The following ARPC1A variants were observed in gnomAD, a reference collection of about 807,000 sequenced individuals.
ARPC1A encodes the protein actin related protein 2/3 complex subunit 1A.
Under a neutral mutation model 46.9 loss-of-function variants are expected in ARPC1A, and 8 were observed. The ratio of observed to expected loss-of-function variants is 0.17; its 90% CI spans 0.10 to 0.31. The LOEUF is 0.31. ARPC1A is among the 10% of genes least tolerant of loss of function. ARPC1A has a pLI of 1.00. For missense variants in ARPC1A, 286 were observed against 483.6 expected (o/e 0.59, Z 3.83); for synonymous variants, 152 against 169.0 (o/e 0.90, Z 0.78).
intron 5 of ARPC1A, among the ~76,000 whole-genome samples, chr7:99,349,252 G>A (rs192298308): frequency 2.0e-5 from 3 of 152,026 alleles, no homozygotes; most frequent in South Asian, 2.1e-4. Context: ...TTGTAGAGAC[G>A]GGGTCTTGCT....
intron 3 of ARPC1A, among the ~76,000 whole-genome samples, chr7:99,341,803 G>A: frequency 6.6e-6 from 1 of 151,932 alleles, no homozygotes; most frequent in East Asian, 1.9e-4. Context: ...TGCTCACATG[G>A]CATTTTTTAG....
At chr7:99,345,622 C>T (rs1223797337) in intron 4 of ARPC1A, among the ~76,000 whole-genome samples, 1 of 151,564 alleles carries the variant, frequency 6.6e-6, no homozygotes, top group African/African-American at 2.4e-5. Flanking sequence ...CGTGCCACTG[C>T]ACTCCAGCCT....
At position 99,366,055 on chromosome 7, in the gene ARPC1A, G is replaced by T; in HGVS notation, c.*126G>T. On this transcript the variant is annotated 3_prime_UTR_variant, in exon 10 of 10. Coordinates refer to ENST00000262942, the MANE Select transcript of ARPC1A (RefSeq NM_006409.4). Reference sequence around the variant, plus strand: ...ACACATATCACGCCAATGCCGTGTGGTTTTGTTTGAATATAAAATTGGTGA... The same window carrying T: ...ACACATATCACGCCAATGCCGTGTGTTTTTGTTTGAATATAAAATTGGTGA... 1 of 1,159,338 alleles carries T rather than the reference G, an allele frequency of 8.6e-7. No homozygotes were observed. The allele number at this position is 1,159,338 out of a possible 1,614,324, so 71.8% of individuals were successfully genotyped here.
At chr7:99,333,171 A>C (rs892826636) in intron 1 of ARPC1A, among the ~76,000 whole-genome samples, 154 bp from the exon 2 acceptor site, 1 of 152,224 alleles carries the variant, frequency 6.6e-6, no homozygotes, top group Non-Finnish European at 1.5e-5. Context: ...CTAGTATTAC[A>C]AGCGTGAGCC....
chr7:99,326,407 A>G (rs1477187920), intron 1 of ARPC1A, among the ~76,000 whole-genome samples: 1 of 152,212 alleles, frequency 6.6e-6, no homozygotes, highest in East Asian at 1.9e-4. Flanking sequence ...GTAGGCGCCC[A>G]TAGGATGTTT....
At chr7:99,332,897 C>T (rs1397608746) in intron 1 of ARPC1A, among the ~76,000 whole-genome samples, 1 of 135,402 alleles carries the variant, frequency 7.4e-6, no homozygotes, top group Non-Finnish European at 1.5e-5. Context: ...GACCACCATG[C>T]CCGGCCTTTT....
In ARPC1A at chr7:99,359,698, C is replaced by G; in HGVS notation, c.943C>G (p.Arg315Gly). The G allele has an allele frequency of 6.2e-7, 1 of 1,614,172 alleles. No homozygotes were observed. The highest frequency in any genetic ancestry group is 8.5e-7 in the Non-Finnish European group (1 of 1,180,040). Residue 315 changes from arginine to glycine, a missense_variant, in exon 8 of 10, where the codon CGC (arginine) becomes GGC (glycine). This residue lies in a region of ARPC1A where 182 missense variants were observed against 276.7 expected (regional missense o/e 0.66). Coordinates refer to ENST00000262942, the MANE Select transcript of ARPC1A (RefSeq NM_006409.4). ...GGACAAGAGAGCCACAACTGAGGAC[C>G]GCAACACGGCCTTGGAGACGCTGCA... ...NMDKRATTED[R>G]NTALETLHQN...
At chr7:99,335,928 T>C (rs1793243522) in intron 2 of ARPC1A, among the ~76,000 whole-genome samples, 1 of 151,628 alleles carries the variant, frequency 6.6e-6, no homozygotes, top group Non-Finnish European at 1.5e-5. Flanking sequence ...CACTCCAGCC[T>C]TGGCAACAGA....
intron 5 of ARPC1A, among the ~76,000 whole-genome samples, chr7:99,349,384 A>C (rs1292931823): frequency 6.6e-6 from 1 of 151,796 alleles, no homozygotes; most frequent in African/African-American, 2.4e-5. Flanking sequence ...TTTTCTTTGC[A>C]AGGTACTGCG....
At chr7:99,349,653 A>C (rs1280889589) in intron 5 of ARPC1A, among the ~76,000 whole-genome samples, 1 of 152,074 alleles carries the variant, frequency 6.6e-6, no homozygotes, top group Non-Finnish European at 1.5e-5. Flanking sequence ...CCTGGCTAAC[A>C]CAGTGAAACC....
intron 3 of ARPC1A, 26 bp downstream of exon 3, chr7:99,338,311 G>A: frequency 6.6e-7 from 1 of 1,504,028 alleles, no homozygotes; most frequent in Non-Finnish European, 9.1e-7. Context: ...CGTGAGCTTA[G>A]TGTGATATTT....
At chr7:99,347,419 C>G (rs2150867254) in intron 4 of ARPC1A, among the ~76,000 whole-genome samples, 1 of 152,234 alleles carries the variant, frequency 6.6e-6, no homozygotes, top group South Asian at 2.1e-4. Context: ...GAAAGTGATT[C>G]TGTAGCCAGG....
chr7:99,352,642 G>C (rs568790469), intron 5 of ARPC1A, among the ~76,000 whole-genome samples: 11 of 149,762 alleles, frequency 7.3e-5, no homozygotes, highest in Non-Finnish European at 1.5e-4. Flanking sequence ...AACAGAGCCA[G>C]ACCCCCGTCT....
chr7:99,362,498 ATTT>A (rs565535347), intron 8 of ARPC1A, among the ~76,000 whole-genome samples: 1 of 132,172 alleles, frequency 7.6e-6, no homozygotes, highest in Non-Finnish European at 1.6e-5. Context: ...TGCCTGGCTA[ATTT>A]TTTTTTTTTT....
In ARPC1A at chr7:99,344,438, C is replaced by A. The variant is rs143619408; in HGVS notation, c.315C>A (p.Ser105=). ...GCGCAGCTACTTTTGTGAAGTGGTC[C>A]CCCCTAGAGAACAAATTTGCTGTGG... The part of the protein sequence containing the change: ...INRAATFVKW[S]PLENKFAVGS... The change falls in exon 4 of 10, where the codon TCC becomes TCA. Residue 105 remains serine, a synonymous_variant. Transcript: ENST00000262942. The A allele has an allele frequency of 4.3e-6, 7 of 1,613,772 alleles. No homozygotes were observed. In the Admixed American group the frequency reaches 5.0e-5, roughly 12 times the overall value.
At chr7:99,361,619 C>G (rs1278529748) in intron 8 of ARPC1A, among the ~76,000 whole-genome samples, 2 of 152,116 alleles carry the variant, frequency 1.3e-5, no homozygotes, top group Non-Finnish European at 2.9e-5. Context: ...GTTTCTCTTA[C>G]GTTTCTATAC....
intron 5 of ARPC1A, among the ~76,000 whole-genome samples, chr7:99,350,778 T>C: frequency 6.6e-6 from 1 of 151,478 alleles, no homozygotes; most frequent in African/African-American, 2.4e-5. Flanking sequence ...CCTGAGTAGC[T>C]GGGACCACAG....
At chr7:99,357,672 G>A (rs2150872751) in intron 6 of ARPC1A, among the ~76,000 whole-genome samples, 1 of 152,160 alleles carries the variant, frequency 6.6e-6, no homozygotes, top group South Asian at 2.1e-4. Context: ...GAAGTGAGGT[G>A]CTCCTAACTC....
chr7:99,330,455 C>G (rs1793127367), intron 1 of ARPC1A, among the ~76,000 whole-genome samples: 1 of 152,180 alleles, frequency 6.6e-6, no homozygotes, highest in South Asian at 2.1e-4. Context: ...GCTGGAATTA[C>G]AGGTGCCTGC....
Sources: gnomAD v4.1 joint callset for allele counts (sites outside exome capture counted in the v4.1 genomes callset) on GRCh38, gnomAD v4.1.1 for gene constraint, gnomAD v4.1.1 regional missense constraint, MANE v1.5 for transcripts, NCBI Gene and HGNC (gene_info 2026-07-23, HGNC 2026-07-21) for gene names.